AKR1C2: variants seen among roughly 807,000 people sequenced by gnomAD.
The protein encoded by AKR1C2 is 3-alpha-HSD3.
A neutral mutation model predicts 39.8 loss-of-function variants in AKR1C2; 27 were observed. That is an observed-to-expected ratio of 0.68 (90% CI 0.50 to 0.93). AKR1C2 has a LOEUF of 0.93. Among genes scored for constraint, AKR1C2 ranks in the 40% least tolerant of loss-of-function variants. The pLI, the probability that AKR1C2 is intolerant of heterozygous loss-of-function variation, is 0.00. For synonymous variants in AKR1C2, 114 were observed against 137.9 expected, an observed-to-expected ratio of 0.83 and a Z score of 1.22; for missense variants, 263 against 365.1, an observed-to-expected ratio of 0.72 and a Z score of 2.28.
upstream of AKR1C2, among the ~76,000 whole-genome samples, chr10:5,005,632 G>A (rs1483907447): frequency 1.3e-5 from 2 of 152,106 alleles, no homozygotes; most frequent in Non-Finnish European, 2.9e-5. Context: ...GCAGTGAGCC[G>A]AGATGGCACC....
chr10:5,011,909 G>T (rs576772673), intron 1 of AKR1C2, among the ~76,000 whole-genome samples: 1 of 152,312 alleles, frequency 6.6e-6, no homozygotes, highest in Admixed American at 6.5e-5. Context: ...GTACTTCTTT[G>T]TCTGTATAAG....
intron 5 of AKR1C2, 182 bp from the exon 6 acceptor site, chr10:4,996,047 T>TA: frequency 2.8e-6 from 2 of 713,816 alleles, no homozygotes; most frequent in Non-Finnish European, 2.2e-6. Flanking sequence ...AAAATAGAAA[T>TA]GCTATTTCTG....
intron 7 of AKR1C2, among the ~76,000 whole-genome samples, chr10:4,993,298 A>G (rs1224170723): frequency 1.3e-5 from 2 of 152,230 alleles, no homozygotes; most frequent in Non-Finnish European, 1.5e-5. Flanking sequence ...AGAAAAGTGA[A>G]TAAGTTAACT....
upstream of AKR1C2, chr10:5,007,623 A>C (rs1837432595): frequency 6.7e-6 from 1 of 150,292 alleles, no homozygotes; most frequent in Non-Finnish European, 1.5e-5. Flanking sequence ...AAGGAGAAAA[A>C]GCTGCAGACA....
At chr10:5,002,820 G>C (rs1476195286) in intron 1 of AKR1C2, among the ~76,000 whole-genome samples, 1 of 152,092 alleles carries the variant, frequency 6.6e-6, no homozygotes, top group Admixed American at 6.6e-5. Flanking sequence ...GCAATCAAAG[G>C]CTTACCAAGG....
At chr10:5,001,860 C>A (rs1158912967) in intron 1 of AKR1C2, among the ~76,000 whole-genome samples, 179 bp from the exon 2 acceptor site, 2 of 152,192 alleles carry the variant, frequency 1.3e-5, no homozygotes, top group African/African-American at 4.8e-5. Context: ...AAAGGTTGGG[C>A]ATAGCAGGAA....
intron 8 of AKR1C2, among the ~76,000 whole-genome samples, chr10:4,990,373 C>G (rs1317876736): frequency 3.3e-5 from 5 of 152,176 alleles, no homozygotes; most frequent in African/African-American, 1.2e-4. Context: ...CAAATTCTCA[C>G]TAAAAACAGG....
intron 7 of AKR1C2, among the ~76,000 whole-genome samples, chr10:4,994,628 G>A (rs1181010885): frequency 6.6e-6 from 1 of 151,826 alleles, no homozygotes; most frequent in Non-Finnish European, 1.5e-5. Context: ...GCATGGGAGA[G>A]GGGGGCACTC....
chr10:5,004,229 C>T (rs1287914899), upstream of AKR1C2, among the ~76,000 whole-genome samples: 1 of 152,208 alleles, frequency 6.6e-6, no homozygotes, highest in Non-Finnish European at 1.5e-5. Context: ...CTGCATCTTG[C>T]AGCATTTGAA....
intron 5 of AKR1C2, among the ~76,000 whole-genome samples, chr10:4,997,047 A>G (rs1837076650): frequency 6.6e-6 from 1 of 152,166 alleles, no homozygotes; most frequent in East Asian, 1.9e-4. Flanking sequence ...AACATGAGTT[A>G]AAAACAACAG....
chr10:5,002,365 A>C (rs1409090741), intron 1 of AKR1C2, among the ~76,000 whole-genome samples: 1 of 152,240 alleles, frequency 6.6e-6, no homozygotes, highest in East Asian at 1.9e-4. Flanking sequence ...AGATGCCAGC[A>C]GGTTTATATT....
At chr10:4,992,318 A>G (rs1484363761) in intron 7 of AKR1C2, among the ~76,000 whole-genome samples, 3 of 152,236 alleles carry the variant, frequency 2.0e-5, no homozygotes, top group Non-Finnish European at 4.4e-5. Flanking sequence ...ATGAACAGGT[A>G]TAATAGGAAA....
Position 4,998,606 on chromosome 10 carries a change from G to C in AKR1C2, c.570+19C>G, listed in dbSNP as rs782024464. ...AGGGGCATGAAGAACAGAAAGGAGA[G>C]GAGGCTGAGGGCGCTCACCTGGTTG... is the stretch of plus-strand genomic sequence containing the variant. On this transcript the variant is annotated intron_variant, in intron 5 of 8. Transcript: ENST00000380753. The C allele has an allele frequency of 1.2e-6, 2 of 1,613,706 alleles. No individual in the cohort carries two copies.
At chr10:5,016,678 C>T (rs188250218) in intron 1 of AKR1C2, among the ~76,000 whole-genome samples, 11 of 152,302 alleles carry the variant, frequency 7.2e-5, no homozygotes, top group Non-Finnish European at 1.0e-4. Flanking sequence ...GATGGTGGCC[C>T]TCTTCTCATA....
rs1345360280 is a variant in AKR1C2 at position 4,988,366 on chromosome 10, T to G, written c.*1630A>C. 4 of 152,218 alleles carry G rather than the reference T, an allele frequency of 2.6e-5. No homozygotes were observed. Among genetic ancestry groups the G allele is most frequent in the African/African-American group, 9.7e-5 (4 of 41,448 alleles). The allele number at this position is 152,218 out of a possible 1,614,324, so 9.4% of individuals were successfully genotyped here. Reference sequence around the variant, plus strand: ...TGTCCATTAAACTTTAACATGGAGATGCAGAGTTCACATTATGATCTTCCA... The same window carrying G: ...TGTCCATTAAACTTTAACATGGAGAGGCAGAGTTCACATTATGATCTTCCA... On this transcript the variant is annotated 3_prime_UTR_variant, in exon 9 of 9. Coordinates refer to ENST00000380753, the MANE Select transcript of AKR1C2 (RefSeq NM_001393392.1).
Position 5,000,531 on chromosome 10 carries a change from G to A in AKR1C2, c.369+19C>T, listed in dbSNP as rs1345010328. The A allele has an allele frequency of 6.2e-7, 1 of 1,613,216 alleles. No individual in the cohort carries two copies. The highest frequency in any genetic ancestry group is 8.5e-7 in the Non-Finnish European group (1 of 1,179,376). Reference sequence around the variant, plus strand: ...CTGAGAACAAAAGTGAAATTAATTTGATCACACAAGCTGCCTACCTTTACA... The same window carrying A: ...CTGAGAACAAAAGTGAAATTAATTTAATCACACAAGCTGCCTACCTTTACA... On this transcript the variant is annotated intron_variant, in intron 3 of 8. Coordinates refer to ENST00000380753, the MANE Select transcript of AKR1C2 (RefSeq NM_001393392.1).
chr10:4,992,963 T>A (rs1308433233), intron 7 of AKR1C2, among the ~76,000 whole-genome samples: 1 of 151,976 alleles, frequency 6.6e-6, no homozygotes, highest in African/African-American at 2.4e-5. Flanking sequence ...AAAAAAATGA[T>A]CAGTAATGGA....
Position 4,995,722 on chromosome 10 carries a change from G to C in AKR1C2, c.680+34C>G, listed in dbSNP as rs146951526. 110,602 of 1,559,046 alleles carry C rather than the reference G, an allele frequency of 0.071. 8,043 individuals are homozygous for C. Among genetic ancestry groups the C allele is most frequent in the Non-Finnish European group, 0.081 (92,349 of 1,146,166 alleles). ...TGATTAAATTTTTTTTATCAAACCA[G>C]TGTTTTAGGTAAACTTCCTGTATCT... On this transcript the variant is annotated intron_variant, in intron 6 of 8. Transcript: ENST00000380753.
Position 4,988,780 on chromosome 10 carries a change from A to G in AKR1C2, c.*1216T>C, listed in dbSNP as rs562387039. On this transcript the variant is annotated 3_prime_UTR_variant, in exon 9 of 9. Transcript: ENST00000380753. The stretch of plus-strand genomic sequence containing the variant: ...ATCATTAAGACATGAGATTATCCCA[A>G]GTTTTCAAAAGTGTTTTCTAAAACG... 1 of 151,120 alleles carries G rather than the reference A, an allele frequency of 6.6e-6. No homozygotes were observed. The highest frequency in any genetic ancestry group is 1.9e-4 in the East Asian group (1 of 5,172). The allele number at this position is 151,120 out of a possible 1,614,324, so 9.4% of individuals were successfully genotyped here.
Sources: gnomAD v4.1 joint callset for allele counts (sites outside exome capture counted in the v4.1 genomes callset) on GRCh38, gnomAD v4.1.1 for gene constraint, MANE v1.5 for transcripts, NCBI Gene and HGNC (gene_info 2026-07-23, HGNC 2026-07-21) for gene names.